Variants in ESRRG observed in about 807,000 individuals in gnomAD.
The protein encoded by ESRRG is estrogen related receptor gamma.
A neutral mutation model predicts 44.0 loss-of-function variants in ESRRG; 13 were observed. The observed-to-expected ratio is 0.30, with a 90% CI of 0.19 to 0.47. The LOEUF is 0.47. Ranked by LOEUF, ESRRG falls within the 20% of genes least tolerant of loss-of-function variation. ESRRG has a pLI of 1.00. For synonymous variants in ESRRG, 215 were observed against 214.6 expected, an observed-to-expected ratio of 1.00 and a Z score of -0.02; for missense variants, 395 against 580.6, an observed-to-expected ratio of 0.68 and a Z score of 3.29.
At chr1:216,904,961 T>C (rs925671970) in intron 2 of ESRRG, among the ~76,000 whole-genome samples, 5 of 152,196 alleles carry the variant, frequency 3.3e-5, no homozygotes, top group African/African-American at 9.6e-5. Context: ...AGCCTTTCAA[T>C]ACCATCCAAC....
At chr1:216,851,597 C>G (rs1022402144) in intron 2 of ESRRG, among the ~76,000 whole-genome samples, 7 of 152,014 alleles carry the variant, frequency 4.6e-5, no homozygotes, top group African/African-American at 1.7e-4. Context: ...TGGATGAAGG[C>G]CCTCGCCAGA....
chr1:216,772,068 T>C (rs191333561), intron 2 of ESRRG, among the ~76,000 whole-genome samples: 1 of 152,078 alleles, frequency 6.6e-6, no homozygotes, highest in East Asian at 1.9e-4. Flanking sequence ...CACACTCAAA[T>C]ACCTACAGGA....
At chr1:216,918,943 A>G (rs985741701) in intron 2 of ESRRG, among the ~76,000 whole-genome samples, 3 of 151,070 alleles carry the variant, frequency 2.0e-5, no homozygotes, top group African/African-American at 7.3e-5. Context: ...TGATGCTTAT[A>G]CTACCTGCAT....
intron 2 of ESRRG, among the ~76,000 whole-genome samples, chr1:216,742,911 C>G (rs980877859): frequency 3.9e-5 from 6 of 152,092 alleles, no homozygotes; most frequent in Admixed American, 3.9e-4. Context: ...AAAATAGGAG[C>G]ATTCAACCTT....
intron 2 of ESRRG, among the ~76,000 whole-genome samples, chr1:216,915,575 A>AAAAG: frequency 6.6e-6 from 1 of 151,944 alleles, no homozygotes. Flanking sequence ...CAAGATAGCT[A>AAAAG]AAACAAACAA....
intron 1 of ESRRG, among the ~76,000 whole-genome samples, chr1:217,064,352 A>T (rs983928866): frequency 3.3e-5 from 5 of 152,128 alleles, no homozygotes; most frequent in Non-Finnish European, 5.9e-5. Flanking sequence ...AGAGTAAATG[A>T]TGAAAAATAT....
chr1:216,582,102 C>T lies in ESRRG; in HGVS notation c.590-14004G>A, dbSNP rs75621433. ...CTAACTATTTAAGTTGTTCTATAGG[C>T]TACATCTTGAAATCCTGATTTTAAA... On this transcript the variant is annotated intron_variant, in intron 3 of 6. Transcript: ENST00000408911. Among the ~76,000 whole-genome samples the T allele has an allele frequency of 6.9e-3, 1,050 of 152,302 alleles. 14 individuals carry two copies. Among genetic ancestry groups the T allele is most frequent in the African/African-American group, 0.024 (1,008 of 41,560 alleles).
intron 3 of ESRRG, among the ~76,000 whole-genome samples, chr1:216,640,034 T>C (rs116453430): frequency 5.9e-5 from 9 of 152,272 alleles, no homozygotes; most frequent in African/African-American, 2.2e-4. Context: ...CAAAGTAAGG[T>C]AAAAACAAAT....
chr1:217,135,377 G>A (rs903995965), intron 1 of ESRRG, among the ~76,000 whole-genome samples: 1 of 152,222 alleles, frequency 6.6e-6, no homozygotes, highest in Non-Finnish European at 1.5e-5. Context: ...TTGAGGGTAG[G>A]GCCAAAGAGG....
intron 1 of ESRRG, among the ~76,000 whole-genome samples, chr1:217,001,470 T>C (rs2077026232): frequency 6.6e-6 from 1 of 152,234 alleles, no homozygotes; most frequent in African/African-American, 2.4e-5. Context: ...TTTGAACACA[T>C]ATTCTGTCTC....
intron 3 of ESRRG, among the ~76,000 whole-genome samples, chr1:216,572,304 C>A (rs1163993000): frequency 6.6e-6 from 1 of 151,926 alleles, no homozygotes; most frequent in Middle Eastern, 3.2e-3. Flanking sequence ...AGATTTTTCC[C>A]CCCAGGACAA....
chr1:216,835,292 G>A (rs988694646), intron 2 of ESRRG, among the ~76,000 whole-genome samples: 1 of 152,174 alleles, frequency 6.6e-6, no homozygotes, highest in African/African-American at 2.4e-5. Flanking sequence ...ACACTCCAGC[G>A]CAGCCACTTG....
chr1:217,074,452 C>A (rs79948574), intron 1 of ESRRG, among the ~76,000 whole-genome samples: 48,924 of 138,340 alleles, frequency 0.35, 8,606 homozygotes, highest in East Asian at 0.67. Flanking sequence ...CCACCCCCCC[C>A]AAAAAAAAAA....
chr1:216,581,494 A>T (rs2062755892), intron 3 of ESRRG, among the ~76,000 whole-genome samples: 1 of 152,188 alleles, frequency 6.6e-6, no homozygotes, highest in Non-Finnish European at 1.5e-5. Context: ...TGTGAGAATT[A>T]TTCATTTGCA....
chr1:216,924,611 C>T (rs1476441474), intron 2 of ESRRG, among the ~76,000 whole-genome samples: 4 of 152,214 alleles, frequency 2.6e-5, no homozygotes, highest in Non-Finnish European at 5.9e-5. Flanking sequence ...AAGTGAGCCA[C>T]ATCTGATATA....
intron 1 of ESRRG, among the ~76,000 whole-genome samples, chr1:217,096,967 A>G (rs2092434137): frequency 6.6e-6 from 1 of 152,192 alleles, no homozygotes; most frequent in Non-Finnish European, 1.5e-5. Context: ...GGCTAGCCTT[A>G]CTGCTAGGCT....
intron 2 of ESRRG, among the ~76,000 whole-genome samples, chr1:216,828,670 C>A (rs1457269008): frequency 6.6e-6 from 1 of 152,086 alleles, no homozygotes; most frequent in Non-Finnish European, 1.5e-5. Context: ...AGGGAATAAA[C>A]CCCCAAAGAA....
chr1:216,823,880 A>C (rs1471508608), intron 2 of ESRRG, among the ~76,000 whole-genome samples: 3 of 152,180 alleles, frequency 2.0e-5, no homozygotes. Flanking sequence ...TCACATCCTT[A>C]GCTACTGACT....
chr1:216,668,065 C>G (rs182882719), intron 2 of ESRRG, among the ~76,000 whole-genome samples: 1 of 151,740 alleles, frequency 6.6e-6, no homozygotes, highest in East Asian at 1.9e-4. Context: ...CCATTGCACT[C>G]CAGCCTGGGT....
Sources: gnomAD v4.1 joint callset for allele counts (sites outside exome capture counted in the v4.1 genomes callset) on GRCh38, gnomAD v4.1.1 for gene constraint, MANE v1.5 for transcripts, NCBI Gene and HGNC (gene_info 2026-07-23, HGNC 2026-07-21) for gene names.